ADARB2: variants seen among roughly 807,000 people sequenced by gnomAD.
ADARB2 encodes the protein adenosine deaminase RNA specific B2 (inactive).
A neutral mutation model predicts 62.2 loss-of-function variants in ADARB2; 25 were observed. The observed-to-expected ratio is 0.40, with a 90% CI of 0.29 to 0.56. ADARB2 has a LOEUF of 0.56. ADARB2 is among the 20% of genes least tolerant of loss of function. The pLI, the probability that ADARB2 is intolerant of heterozygous loss-of-function variation, is 0.43. For synonymous variants in ADARB2, 572 were observed against 500.8 expected, an observed-to-expected ratio of 1.14 and a Z score of -1.90; for missense variants, 1,071 against 1,077.4, an observed-to-expected ratio of 0.99 and a Z score of 0.08.
chr10:1,448,978 C>T (rs1831004135), intron 1 of ADARB2, among the ~76,000 whole-genome samples: 1 of 152,196 alleles, frequency 6.6e-6, no homozygotes, highest in South Asian at 2.1e-4. Flanking sequence ...CACATGCAGC[C>T]TGATCCTGCC....
intron 1 of ADARB2, among the ~76,000 whole-genome samples, chr10:1,391,766 A>AT (rs60956446): frequency 0.1 from 9,271 of 91,514 alleles, 877 homozygotes; most frequent in East Asian, 0.37. Context: ...TAAGAATTGG[A>AT]TTTTTTTTTT....
rs1402855962 is a variant in ADARB2, at chr10:1,178,599, A to G, written c.*4594T>C. The G allele has an allele frequency of 6.6e-6, 1 of 152,278 alleles. No individual in the cohort carries two copies. Among genetic ancestry groups the G allele is most frequent in the African/African-American group, 2.4e-5 (1 of 41,448 alleles). 9.4% of individuals were successfully genotyped at this position (152,278 alleles called of 1,614,324 possible). ...TCCAGCCACCCGCCTAGCCCCACAC[A>G]GTGGCAAAATACCAAAAGACCCTAA... On this transcript the variant is annotated 3_prime_UTR_variant, in exon 10 of 10. Transcript: ENST00000381312.
chr10:1,298,780 C>T (rs1831547271), intron 3 of ADARB2, among the ~76,000 whole-genome samples: 3 of 108,180 alleles, frequency 2.8e-5, no homozygotes, highest in African/African-American at 3.7e-5. Context: ...TTTAGATTTG[C>T]CCAGGCTGGA....
At chr10:1,684,441 T>C (rs1331587316) in intron 1 of ADARB2, among the ~76,000 whole-genome samples, 1 of 152,208 alleles carries the variant, frequency 6.6e-6, no homozygotes, top group Non-Finnish European at 1.5e-5. Flanking sequence ...CACACACACA[T>C]ATATATTCTC....
intron 3 of ADARB2, among the ~76,000 whole-genome samples, chr10:1,354,127 AT>A (rs1183428435): frequency 6.6e-6 from 1 of 152,010 alleles, no homozygotes; most frequent in Non-Finnish European, 1.5e-5. Context: ...AACATCGCCC[AT>A]TATCTCTCCA....
intron 1 of ADARB2, among the ~76,000 whole-genome samples, chr10:1,698,208 G>A (rs1413915579): frequency 6.6e-6 from 1 of 152,218 alleles, no homozygotes; most frequent in Non-Finnish European, 1.5e-5. Context: ...AATTGTAGGT[G>A]TTGCTTTTTC....
chr10:1,609,716 T>G (rs1588322300), intron 1 of ADARB2, among the ~76,000 whole-genome samples: 1 of 152,344 alleles, frequency 6.6e-6, no homozygotes, highest in South Asian at 2.1e-4. Flanking sequence ...AGGGAGCACA[T>G]GGGCGGGGCT....
At chr10:1,424,395 G>A (rs1005269452) in intron 1 of ADARB2, among the ~76,000 whole-genome samples, 4 of 152,166 alleles carry the variant, frequency 2.6e-5, no homozygotes, top group Non-Finnish European at 4.4e-5. Context: ...TGTCAGAGCC[G>A]TGGCTCCAAA....
intron 1 of ADARB2, among the ~76,000 whole-genome samples, chr10:1,637,611 T>G (rs1177471967): frequency 1.3e-5 from 2 of 152,134 alleles, no homozygotes; most frequent in African/African-American, 4.8e-5. Flanking sequence ...GAAAGTATTG[T>G]AAGGTGAATT....
chr10:1,462,282 T>G (rs1040846394), intron 1 of ADARB2, among the ~76,000 whole-genome samples: 1 of 152,226 alleles, frequency 6.6e-6, no homozygotes, highest in African/African-American at 2.4e-5. Context: ...TGTGTTCTCT[T>G]GGCCAAGTGT....
intron 1 of ADARB2, among the ~76,000 whole-genome samples, chr10:1,548,530 G>A (rs1332773872): frequency 6.6e-6 from 1 of 152,222 alleles, no homozygotes; most frequent in African/African-American, 2.4e-5. Flanking sequence ...AATTTGGGAA[G>A]GCCAGTGAGA....
chr10:1,220,061 T>TGATG (rs1830673114), intron 6 of ADARB2, among the ~76,000 whole-genome samples: 1 of 148,370 alleles, frequency 6.7e-6, no homozygotes, highest in African/African-American at 2.5e-5. Flanking sequence ...GTGGTGGTGG[T>TGATG]GATGATGGTG....
chr10:1,503,361 T>TC (rs1447492341), intron 1 of ADARB2, among the ~76,000 whole-genome samples: 7 of 151,712 alleles, frequency 4.6e-5, no homozygotes, highest in Non-Finnish European at 8.8e-5. Context: ...TATTTTTTTT[T>TC]TTTTTTTAGA....
intron 2 of ADARB2, among the ~76,000 whole-genome samples, chr10:1,364,446 G>C (rs1832295454): frequency 6.6e-6 from 1 of 152,242 alleles, no homozygotes; most frequent in Admixed American, 6.5e-5. Flanking sequence ...AGCTGGCCCA[G>C]GTGAGGCACT....
At chr10:1,231,325 A>G (rs946718785) in intron 6 of ADARB2, among the ~76,000 whole-genome samples, 2 of 152,222 alleles carry the variant, frequency 1.3e-5, no homozygotes, top group African/African-American at 2.4e-5. Flanking sequence ...TAGCTGTCCA[A>G]TGGACCAGAT....
At chr10:1,483,398 T>G (rs1026413129) in intron 1 of ADARB2, among the ~76,000 whole-genome samples, 1 of 152,228 alleles carries the variant, frequency 6.6e-6, no homozygotes, top group Non-Finnish European at 1.5e-5. Context: ...AGTCACAGAA[T>G]CCTGAACGAC....
intron 1 of ADARB2, among the ~76,000 whole-genome samples, chr10:1,478,098 G>A (rs1477711758): frequency 2.0e-5 from 3 of 152,226 alleles, no homozygotes; most frequent in African/African-American, 4.8e-5. Context: ...CAAAGGAGAC[G>A]CCAGTGCTGC....
intron 3 of ADARB2, among the ~76,000 whole-genome samples, chr10:1,359,812 G>C (rs905465999): frequency 6.6e-6 from 1 of 152,178 alleles, no homozygotes; most frequent in African/African-American, 2.4e-5. Flanking sequence ...CTGACCACCC[G>C]ACGAGCTGGA....
chr10:1,484,616 C>T (rs1303304978), intron 1 of ADARB2, among the ~76,000 whole-genome samples: 3 of 152,316 alleles, frequency 2.0e-5, no homozygotes, highest in African/African-American at 7.2e-5. Flanking sequence ...TGATGGGGAC[C>T]TCTGGGAAAT....
Sources: allele counts gnomAD v4.1 joint callset (sites outside exome capture counted in the v4.1 genomes callset), GRCh38; gene constraint gnomAD v4.1.1; transcripts MANE v1.5; gene names NCBI Gene and HGNC (gene_info 2026-07-23, HGNC 2026-07-21).